Variants in COL8A1 observed in about 807,000 individuals in gnomAD.
The protein encoded by COL8A1 is collagen alpha-1(VIII) chain.
A neutral mutation model predicts 42.7 loss-of-function variants in COL8A1; 21 were observed. The ratio of observed to expected loss-of-function variants is 0.49; its 90% confidence interval spans 0.35 to 0.71. COL8A1 has a LOEUF of 0.71. Among genes scored for constraint, COL8A1 ranks in the 30% least tolerant of loss-of-function variants. COL8A1 has a pLI of 0.01. For missense variants in COL8A1, 788 were observed against 962.4 expected, an observed-to-expected ratio of 0.82 and a Z score of 2.40; for synonymous variants, 367 against 369.1, an observed-to-expected ratio of 0.99 and a Z score of 0.06.
chr3:99,649,885 C>A (rs1937784272), intron 1 of COL8A1, among the ~76,000 whole-genome samples: 2 of 152,092 alleles, frequency 1.3e-5, no homozygotes, highest in Non-Finnish European at 2.9e-5. Context: ...TAATGGTATT[C>A]TAATATTAAT....
At chr3:99,772,235 T>C (rs1941593387) in intron 2 of COL8A1, among the ~76,000 whole-genome samples, 2 of 152,208 alleles carry the variant, frequency 1.3e-5, no homozygotes, top group African/African-American at 2.4e-5. Flanking sequence ...CTGAAAAAGC[T>C]ACATACTGTA....
chr3:99,667,549 C>G (rs944077203), intron 1 of COL8A1, among the ~76,000 whole-genome samples: 7 of 152,096 alleles, frequency 4.6e-5, no homozygotes, highest in South Asian at 2.1e-4. Flanking sequence ...TGATGTGGCT[C>G]TCTTCTATTC....
intron 1 of COL8A1, chr3:99,703,671 G>A (rs111351301): frequency 1.5e-3 from 233 of 152,314 alleles, no homozygotes; most frequent in African/African-American, 5.2e-3. Context: ...TATTGACTTT[G>A]TTTCGGTTAC....
intron 1 of COL8A1, among the ~76,000 whole-genome samples, chr3:99,741,589 A>C (rs564124776): frequency 1.2e-4 from 19 of 152,288 alleles, no homozygotes; most frequent in Non-Finnish European, 2.1e-4. Context: ...AGAGCCCAAC[A>C]TGGTTTTACT....
At chr3:99,718,099 T>C (rs1476283099) in intron 1 of COL8A1, among the ~76,000 whole-genome samples, 1 of 152,006 alleles carries the variant, frequency 6.6e-6, no homozygotes, top group Non-Finnish European at 1.5e-5. Context: ...CCATAATATC[T>C]TCCCTCACTT....
In COL8A1 at chr3:99,796,245, G is replaced by T; in HGVS notation, c.*109G>T. 1 of 938,174 alleles carries T rather than the reference G, an allele frequency of 1.1e-6. No individual in the cohort carries two copies. The allele number at this position is 938,174 out of a possible 1,614,324, so 58.1% of individuals were successfully genotyped here. A position where few individuals can be genotyped will look rare whatever the true frequency, so the allele number is the denominator to read the frequency against. ...TTGCTTCAAAACACTTACACAGTTG[G>T]AAAGTTATATGTAAGTGAAAATTTG... On this transcript the variant is annotated 3_prime_UTR_variant, in exon 4 of 4. Transcript: ENST00000652472.
chr3:99,784,796 C>G (rs1168593564), intron 2 of COL8A1, among the ~76,000 whole-genome samples: 2 of 152,136 alleles, frequency 1.3e-5, no homozygotes, highest in Admixed American at 1.3e-4. Context: ...TACATAGTAC[C>G]TGGGACTTTT....
At chr3:99,751,216 C>T (rs1941141894) in intron 2 of COL8A1, among the ~76,000 whole-genome samples, 1 of 152,070 alleles carries the variant, frequency 6.6e-6, no homozygotes, top group African/African-American at 2.4e-5. Context: ...TCTAGATTAC[C>T]TCCTCCAATG....
At position 99,638,610 on chromosome 3, in the gene COL8A1, C is replaced by G. The variant is rs569086561; in HGVS notation, c.-183C>G. Reference sequence around the variant, plus strand: ...ACCAGCAGCGGATCACAGCCCTTCCCCGATCCTCTCCGTGGGAGCCAGCGA... The same window carrying G: ...ACCAGCAGCGGATCACAGCCCTTCCGCGATCCTCTCCGTGGGAGCCAGCGA... On this transcript the variant is annotated 5_prime_UTR_variant, in exon 1 of 4. Transcript: ENST00000652472. 3 of 152,622 alleles carry G rather than the reference C, an allele frequency of 2.0e-5. No homozygotes were observed. Among genetic ancestry groups the G allele is most frequent in the African/African-American group, 4.8e-5 (2 of 41,530 alleles). 9.5% of individuals were successfully genotyped at this position (152,622 alleles called of 1,614,324 possible).
chr3:99,723,712 T>C (rs935079084), intron 1 of COL8A1, among the ~76,000 whole-genome samples: 36 of 152,114 alleles, frequency 2.4e-4, no homozygotes, highest in Non-Finnish European at 3.5e-4. Context: ...TAGCAATACA[T>C]GTACCCTCTG....
intron 1 of COL8A1, among the ~76,000 whole-genome samples, chr3:99,647,824 G>A (rs1937696502): frequency 6.6e-6 from 1 of 152,124 alleles, no homozygotes; most frequent in Non-Finnish European, 1.5e-5. Flanking sequence ...GTAATTTACT[G>A]AATGAGGAAT....
rs1172723632 is a variant in COL8A1, at chr3:99,773,837, A to ATTT, written c.-3-16820_-3-16818dup. ...TGTGTATATATATATATATATATATATTTTTTTTTTTTTTTTTTTTTTTTT... is the reference window on the plus strand; with the variant it reads ...TGTGTATATATATATATATATATATATTTTTTTTTTTTTTTTTTTTTTTTTTTT... On this transcript the variant is annotated intron_variant, in intron 2 of 3. Coordinates refer to ENST00000652472, the MANE Select transcript of COL8A1 (RefSeq NM_020351.4). Among the ~76,000 whole-genome samples the ATTT allele has an allele frequency of 1.2e-3, 53 of 45,398 alleles. 3 individuals carry two copies. Among genetic ancestry groups the ATTT allele is most frequent in the East Asian group, 2.9e-3 (4 of 1,358 alleles). The allele number at this position is 45,398 out of a possible 152,430, so 29.8% of individuals were successfully genotyped here.
chr3:99,733,087 T>C (rs1384359975), intron 1 of COL8A1, among the ~76,000 whole-genome samples: 1 of 151,158 alleles, frequency 6.6e-6, no homozygotes, highest in Non-Finnish European at 1.5e-5. Context: ...CCTGTGGCTT[T>C]GCAGGGTACA....
chr3:99,716,949 T>C (rs956933878), intron 1 of COL8A1, among the ~76,000 whole-genome samples: 3 of 151,970 alleles, frequency 2.0e-5, no homozygotes, highest in Admixed American at 6.6e-5. Flanking sequence ...TCTTCAGCAT[T>C]CACTTTGAAT....
intron 2 of COL8A1, among the ~76,000 whole-genome samples, chr3:99,773,841 T>TATATATATATATATA (rs1381763910): frequency 8.2e-5 from 7 of 85,636 alleles, no homozygotes; most frequent in Non-Finnish European, 1.4e-4. Context: ...ATATATATTT[T>TATATATATATATATA]TTTTTTTTTT....
chr3:99,664,616 G>A (rs1938308087), intron 1 of COL8A1, among the ~76,000 whole-genome samples: 1 of 152,164 alleles, frequency 6.6e-6, no homozygotes, highest in Admixed American at 6.5e-5. Flanking sequence ...TGCAGATGCT[G>A]GGCATGTCCC....
chr3:99,724,107 G>A (rs956408954), intron 1 of COL8A1, among the ~76,000 whole-genome samples: 18 of 152,042 alleles, frequency 1.2e-4, no homozygotes, highest in Non-Finnish European at 2.4e-4. Flanking sequence ...CCATGTGACC[G>A]TCCTTGACAA....
chr3:99,653,046 C>T (rs566942084), intron 1 of COL8A1, among the ~76,000 whole-genome samples: 79 of 152,228 alleles, frequency 5.2e-4, no homozygotes, highest in African/African-American at 1.9e-3. Flanking sequence ...GCTTCCTCTG[C>T]TCTAAAATAA....
chr3:99,763,717 G>A (rs996699324), intron 2 of COL8A1, among the ~76,000 whole-genome samples: 2 of 152,206 alleles, frequency 1.3e-5, no homozygotes, highest in Middle Eastern at 3.4e-3. Context: ...TACAATCCAT[G>A]CACCCAGTAC....
Sources: gnomAD v4.1 joint callset for allele counts (sites outside exome capture counted in the v4.1 genomes callset) on GRCh38, gnomAD v4.1.1 for gene constraint, MANE v1.5 for transcripts, NCBI Gene and HGNC (gene_info 2026-07-23, HGNC 2026-07-21) for gene names.